The following EXOC6B variants were observed in gnomAD, a reference collection of about 807,000 sequenced individuals.
EXOC6B encodes SEC15 homolog B.
A neutral mutation model predicts 113.5 loss-of-function variants in EXOC6B; 54 were observed. That is an observed-to-expected ratio of 0.48 (90% CI 0.38 to 0.60). EXOC6B has a LOEUF of 0.60. Ranked by LOEUF, EXOC6B falls within the 20% of genes least tolerant of loss-of-function variation. The pLI, the probability that EXOC6B is intolerant of heterozygous loss-of-function variation, is 0.00. For synonymous variants in EXOC6B, 357 were observed against 339.0 expected, an observed-to-expected ratio of 1.05 and a Z score of -0.58; for missense variants, 797 against 977.5, an observed-to-expected ratio of 0.82 and a Z score of 2.46.
chr2:72,518,650 G>A (rs1701338606), intron 8 of EXOC6B, among the ~76,000 whole-genome samples: 1 of 151,990 alleles, frequency 6.6e-6, no homozygotes, highest in Non-Finnish European at 1.5e-5. Flanking sequence ...AGACAAAGAG[G>A]CTGAATGGAA....
intron 8 of EXOC6B, among the ~76,000 whole-genome samples, chr2:72,556,763 A>T (rs1703569963): frequency 6.6e-6 from 1 of 151,900 alleles, no homozygotes; most frequent in Non-Finnish European, 1.5e-5. Flanking sequence ...AAAAAAACTC[A>T]AAAGTTTAAA....
chr2:72,371,110 C>T (rs1425513300), intron 19 of EXOC6B, among the ~76,000 whole-genome samples: 1 of 151,574 alleles, frequency 6.6e-6, no homozygotes, highest in African/African-American at 2.4e-5. Context: ...ACCAGTTCAG[C>T]CACAGTAGGA....
At chr2:72,473,859 T>C (rs1573205908) in intron 17 of EXOC6B, among the ~76,000 whole-genome samples, 1 of 152,150 alleles carries the variant, frequency 6.6e-6, no homozygotes, top group Admixed American at 6.5e-5. Flanking sequence ...GTGAGTTTTA[T>C]ACTTTTGTGT....
chr2:72,404,458 C>A (rs564122760), intron 18 of EXOC6B, among the ~76,000 whole-genome samples: 2 of 152,322 alleles, frequency 1.3e-5, no homozygotes, highest in African/African-American at 2.4e-5. Context: ...AGGCACCCCC[C>A]AGTAGGGGCA....
intron 20 of EXOC6B, among the ~76,000 whole-genome samples, chr2:72,302,460 T>C (rs1278568878): frequency 6.6e-6 from 1 of 152,228 alleles, no homozygotes; most frequent in African/African-American, 2.4e-5. Flanking sequence ...CACAGGAGTC[T>C]AGGTCTCTTT....
intron 7 of EXOC6B, among the ~76,000 whole-genome samples, chr2:72,570,076 C>A (rs1340230523): frequency 6.6e-6 from 1 of 151,896 alleles, no homozygotes; most frequent in Admixed American, 6.6e-5. Flanking sequence ...GAGACTGGGC[C>A]TTTAAAGAGG....
At chr2:72,318,147 G>C (rs1239331969) in intron 20 of EXOC6B, among the ~76,000 whole-genome samples, 2 of 152,096 alleles carry the variant, frequency 1.3e-5, no homozygotes, top group African/African-American at 4.8e-5. Context: ...GATGACCATA[G>C]TTTTCAGAGA....
chr2:72,307,161 G>GTTTTTGTTTTTTGTTTTTTT (rs758906963), intron 20 of EXOC6B, among the ~76,000 whole-genome samples: 9 of 128,514 alleles, frequency 7.0e-5, no homozygotes, highest in Admixed American at 1.5e-4. Context: ...GTATAGTCCA[G>GTTTTTGTTTTTTGTTTTTTT]TTTTTTTTTT....
intron 6 of EXOC6B, among the ~76,000 whole-genome samples, chr2:72,710,945 A>C (rs906254539): frequency 2.0e-5 from 3 of 152,212 alleles, no homozygotes; most frequent in Non-Finnish European, 4.4e-5. Context: ...GGCAAGTTAG[A>C]ATTGTAAAAG....
At chr2:72,639,444 C>G (rs1327159378) in intron 6 of EXOC6B, among the ~76,000 whole-genome samples, 5 of 152,218 alleles carry the variant, frequency 3.3e-5, no homozygotes, top group Non-Finnish European at 7.3e-5. Context: ...CCCCAAACTG[C>G]ATTGCCTCTG....
intron 18 of EXOC6B, among the ~76,000 whole-genome samples, chr2:72,423,541 T>C (rs1238300993): frequency 6.6e-6 from 1 of 152,240 alleles, no homozygotes; most frequent in Non-Finnish European, 1.5e-5. Flanking sequence ...ATTCTAGATA[T>C]AGGATCATAT....
intron 20 of EXOC6B, among the ~76,000 whole-genome samples, chr2:72,212,108 T>G (rs1680234139): frequency 6.6e-6 from 1 of 151,908 alleles, no homozygotes; most frequent in Admixed American, 6.6e-5. Context: ...TCAAAATGAG[T>G]GCTGTTTCTA....
intron 19 of EXOC6B, among the ~76,000 whole-genome samples, chr2:72,345,063 C>G (rs921193150): frequency 6.6e-6 from 1 of 152,042 alleles, no homozygotes; most frequent in Non-Finnish European, 1.5e-5. Flanking sequence ...TGGGAACACA[C>G]GCACAATTGC....
chr2:72,636,927 C>CAAAA (rs35608424), intron 6 of EXOC6B, among the ~76,000 whole-genome samples: 1 of 140,682 alleles, frequency 7.1e-6, no homozygotes, highest in African/African-American at 2.6e-5. Flanking sequence ...AAGCAATCTA[C>CAAAA]AAAAAAAAAA....
chr2:72,527,711 G>A (rs1169332555), intron 8 of EXOC6B, among the ~76,000 whole-genome samples: 1 of 151,892 alleles, frequency 6.6e-6, no homozygotes, highest in Non-Finnish European at 1.5e-5. Context: ...AACCTCACGA[G>A]CATTTGATGT....
intron 19 of EXOC6B, among the ~76,000 whole-genome samples, chr2:72,345,162 C>A (rs1689258056): frequency 6.6e-6 from 1 of 152,128 alleles, no homozygotes; most frequent in Admixed American, 6.6e-5. Context: ...AATGTCCAAG[C>A]CTTCCCCTGG....
chr2:72,370,803 A>G (rs1313446058), intron 19 of EXOC6B, among the ~76,000 whole-genome samples: 1 of 149,186 alleles, frequency 6.7e-6, no homozygotes, highest in Admixed American at 6.7e-5. Flanking sequence ...ATAGGTGGGA[A>G]TTGAACAGTG....
At chr2:72,371,256 A>G (rs1259966134) in intron 19 of EXOC6B, among the ~76,000 whole-genome samples, 1 of 152,156 alleles carries the variant, frequency 6.6e-6, no homozygotes, top group Non-Finnish European at 1.5e-5. Context: ...TGCGAGTTCT[A>G]TCAAACATCT....
chr2:72,237,936 A>G, intron 20 of EXOC6B, among the ~76,000 whole-genome samples: 1 of 152,078 alleles, frequency 6.6e-6, no homozygotes, highest in South Asian at 2.1e-4. Flanking sequence ...CACATACCAT[A>G]TAATTCCCCC....
Sources: allele counts gnomAD v4.1 joint callset (sites outside exome capture counted in the v4.1 genomes callset), GRCh38; gene constraint gnomAD v4.1.1; transcripts MANE v1.5; gene names NCBI Gene and HGNC (gene_info 2026-07-23, HGNC 2026-07-21).